SHROOM4: variants seen among roughly 807,000 people sequenced by gnomAD.
SHROOM4 encodes the protein shroom family member 4.
Under a neutral mutation model 80.3 loss-of-function variants are expected in SHROOM4, and 17 were observed. The observed-to-expected ratio is 0.21, with a 90% CI of 0.14 to 0.32. SHROOM4 has a LOEUF of 0.32. Among genes scored for constraint, SHROOM4 ranks in the 10% least tolerant of loss-of-function variants. The pLI is 1.00. For synonymous variants in SHROOM4, 400 were observed against 437.5 expected (o/e 0.91, Z 1.07); for missense variants, 993 against 1,140.3 (o/e 0.87, Z 1.86).
intron 2 of SHROOM4, among the ~76,000 whole-genome samples, chrX:50,648,566 A>G (rs1294431836): frequency 8.9e-6 from 1 of 112,288 alleles, no homozygotes; most frequent in African/African-American, 3.2e-5. Context: ...TGTCAGAAGT[A>G]TCAGAAAGGA....
At chrX:50,749,185 G>A (rs1042428279) in intron 1 of SHROOM4, among the ~76,000 whole-genome samples, 6 of 112,206 alleles carry the variant, frequency 5.3e-5, no homozygotes, top group Admixed American at 4.7e-4. Context: ...GCACTTCAGC[G>A]TGGGTGCCAC....
At chrX:50,678,191 C>T (rs1010423866) in intron 2 of SHROOM4, among the ~76,000 whole-genome samples, 14 of 111,322 alleles carry the variant, frequency 1.3e-4, no homozygotes, top group Admixed American at 3.8e-4. Flanking sequence ...GGTTAGCCCA[C>T]GCTCCAGTAA....
chrX:50,779,594 C>T (rs552005994), intron 1 of SHROOM4, among the ~76,000 whole-genome samples: 1 of 111,816 alleles, frequency 8.9e-6, no homozygotes, highest in Admixed American at 9.5e-5. Context: ...TGTCTACATC[C>T]CCAGCTACAT....
rs1261425823 is a variant in SHROOM4, at chrX:50,591,997, G to A, written c.*4698C>T. On this transcript the variant is annotated 3_prime_UTR_variant, in exon 9 of 9. Coordinates refer to ENST00000376020, the MANE Select transcript of SHROOM4 (RefSeq NM_020717.5). ...CTCCCAAAGTGCTGGGATTTCAGGC[G>A]TGAGCCACCATGCCCGGCCGGAACT... 2.1e-5 allele frequency: 7 copies of A among 327,429 alleles called. No individual in the cohort carries two copies. In the East Asian group the frequency reaches 3.9e-4, roughly 18 times the overall value. The allele number at this position is 327,429 out of a possible 1,213,427, so 27.0% of individuals were successfully genotyped here. A position where few individuals can be genotyped will look rare whatever the true frequency, so the allele number is the denominator to read the frequency against.
intron 1 of SHROOM4, among the ~76,000 whole-genome samples, chrX:50,720,143 G>A (rs1027009330): frequency 1.8e-5 from 2 of 111,397 alleles, no homozygotes; most frequent in Non-Finnish European, 3.8e-5. Context: ...TGAAGTGACT[G>A]CTAGACAATC....
intron 2 of SHROOM4, among the ~76,000 whole-genome samples, chrX:50,647,930 G>A (rs1931900222): frequency 8.9e-6 from 1 of 112,399 alleles, no homozygotes; most frequent in South Asian, 3.7e-4. Context: ...ACTGCAGTGG[G>A]AGATGATACT....
intron 2 of SHROOM4, among the ~76,000 whole-genome samples, chrX:50,646,864 G>A (rs1322788957): frequency 9.0e-6 from 1 of 110,719 alleles, no homozygotes; most frequent in Non-Finnish European, 1.9e-5. Flanking sequence ...TGGAAATAAA[G>A]ACTCCCCACA....
intron 2 of SHROOM4, among the ~76,000 whole-genome samples, chrX:50,644,787 G>T (rs4826619): frequency 0.25 from 27,803 of 110,816 alleles, 3,215 homozygotes; most frequent in Non-Finnish European, 0.35. Flanking sequence ...AACTGTATAG[G>T]GGAAAGTTTG....
chrX:50,592,675 G>C lies in SHROOM4; in HGVS notation c.*4020C>G, dbSNP rs17281496. 6,255 of 118,931 alleles carry C rather than the reference G, an allele frequency of 0.053. 176 individuals are homozygous for C. The highest frequency in any genetic ancestry group is 0.082 in the Non-Finnish European group (4,672 of 57,208). The allele number at this position is 118,931 out of a possible 1,213,427, so 9.8% of individuals were successfully genotyped here. ...GTTGCCTTGGAGAGCAGATCACCAA[G>C]GCCCTTGCTTTCCAGGGAGCTGAGC... On this transcript the variant is annotated 3_prime_UTR_variant, in exon 9 of 9. Coordinates refer to ENST00000376020, the MANE Select transcript of SHROOM4 (RefSeq NM_020717.5).
intron 1 of SHROOM4, among the ~76,000 whole-genome samples, chrX:50,792,703 C>T (rs996654156): frequency 9.2e-6 from 1 of 108,553 alleles, no homozygotes; most frequent in Non-Finnish European, 1.9e-5. Flanking sequence ...GCCAACAGGA[C>T]CATGAAAAGA....
At position 50,598,499 on chromosome X, in the gene SHROOM4, C is replaced by T. The variant is rs1557247086; in HGVS notation, c.3979G>A (p.Val1327Ile). 2 of 1,206,997 alleles carry T rather than the reference C, an allele frequency of 1.7e-6. No individual in the cohort carries two copies. The highest frequency in any genetic ancestry group is 1.8e-5 in the South Asian group (1 of 55,929). The change falls in exon 8 of 9, where the codon GTC becomes ATC. Residue 1327 changes from valine to isoleucine, a missense_variant. Transcript: ENST00000376020. ...AGCCCTCGCTGGGCCTCCCGCAAGA[C>T]AGAAAGTTTTCTGCTGATGCTTTCG... ...LIESISRKLS[V>I]LREAQRGLLE...
chrX:50,672,318 C>T (rs1932806457), intron 2 of SHROOM4, among the ~76,000 whole-genome samples: 1 of 111,654 alleles, frequency 9.0e-6, no homozygotes, highest in South Asian at 3.8e-4. Flanking sequence ...AATAGACTTG[C>T]TTGACACAGG....
chrX:50,602,810 T>C lies in SHROOM4; in HGVS notation c.3765A>G (p.Gln1255=). ...SGQEATESAK[Q]EFQHFSPPSG... is the part of the protein sequence containing the mutation. ...AAGGAGGCGAAAAGTGCTGAAACTC[T>C]TGTCTGTGGAAACAAAGAATGACCA... The change falls in exon 7 of 9, where the codon CAA becomes CAG. Residue 1255 remains glutamine, a synonymous_variant. Transcript: ENST00000376020. 2 of 1,209,790 alleles carry C rather than the reference T, an allele frequency of 1.7e-6. No homozygotes were observed. Among genetic ancestry groups the C allele is most frequent in the East Asian group, 5.9e-5 (2 of 33,794 alleles).
intron 1 of SHROOM4, among the ~76,000 whole-genome samples, chrX:50,757,802 G>A (rs959138634): frequency 1.3e-4 from 14 of 105,908 alleles, no homozygotes; most frequent in Non-Finnish European, 2.5e-4. Context: ...CAGCCTGGGT[G>A]ACAGAGCAAG....
At chrX:50,682,434 T>A (rs1932961975) in intron 2 of SHROOM4, among the ~76,000 whole-genome samples, 1 of 111,656 alleles carries the variant, frequency 9.0e-6, no homozygotes, top group African/African-American at 3.3e-5. Flanking sequence ...AGCTATTCAA[T>A]GAGTATCGAG....
chrX:50,597,546 C>G lies in SHROOM4; in HGVS notation c.4213-582G>C, dbSNP rs1929171329. Among the ~76,000 whole-genome samples the G allele has an allele frequency of 2.7e-5, 3 of 111,629 alleles. No homozygotes were observed. In the South Asian group the frequency reaches 1.1e-3, roughly 42 times the overall value. ...ATCTCAAATACTTGATGAGACCTCCCCCTCCAACTCTAGAGTGAGGCAAAA... is the reference window on the plus strand; with the variant it reads ...ATCTCAAATACTTGATGAGACCTCCGCCTCCAACTCTAGAGTGAGGCAAAA... On this transcript the variant is annotated intron_variant, in intron 8 of 8. Coordinates refer to ENST00000376020, the MANE Select transcript of SHROOM4 (RefSeq NM_020717.5).
intron 3 of SHROOM4, among the ~76,000 whole-genome samples, chrX:50,636,002 T>C (rs999058386): frequency 9.0e-6 from 1 of 111,612 alleles, no homozygotes; most frequent in Admixed American, 9.5e-5. Flanking sequence ...GGAGTCAGCA[T>C]GTGGCTCCCT....
rs182576830 is a variant in SHROOM4 at position 50,644,642 on chromosome X, G to A, written c.270-6334C>T. ...AATTCCAGTAATTTCTGGCTCCTGA[G>A]AGGGCTTATGCAAACTCCCTTAGGA... On this transcript the variant is annotated intron_variant, in intron 2 of 8. Transcript: ENST00000376020. 8.6e-4 allele frequency among the ~76,000 whole-genome samples: 97 copies of A among 112,698 alleles called. 1 individual carries two copies. The highest frequency in any genetic ancestry group is 2.7e-3 in the African/African-American group (85 of 31,059).
At chrX:50,769,144 G>C (rs189136096) in intron 1 of SHROOM4, among the ~76,000 whole-genome samples, 1 of 107,638 alleles carries the variant, frequency 9.3e-6, no homozygotes, top group East Asian at 2.9e-4. Flanking sequence ...GGAAAGGAAG[G>C]AGGGGAAAAA....
Sources: gnomAD v4.1 joint callset for allele counts (sites outside exome capture counted in the v4.1 genomes callset) on GRCh38, gnomAD v4.1.1 for gene constraint, MANE v1.5 for transcripts, NCBI Gene and HGNC (gene_info 2026-07-23, HGNC 2026-07-21) for gene names.